Variants in LRP1B observed in about 807,000 individuals in gnomAD.
The protein encoded by LRP1B is LDL receptor related protein 1B, also known as low-density lipoprotein receptor-related protein 1B.
Under a neutral mutation model 556.6 loss-of-function variants are expected in LRP1B, and 217 were observed. The observed-to-expected ratio is 0.39, with a 90% CI of 0.35 to 0.44. The LOEUF is 0.44. Among genes scored for constraint, LRP1B ranks in the 20% least tolerant of loss-of-function variants. LRP1B has a pLI of 1.00. For missense variants in LRP1B, 5,053 were observed against 5,620.8 expected, an observed-to-expected ratio of 0.90 and a Z score of 3.23; for synonymous variants, 2,047 against 1,865.8, an observed-to-expected ratio of 1.10 and a Z score of -2.50.
chr2:141,846,404 C>T (rs1697645698), intron 1 of LRP1B, among the ~76,000 whole-genome samples: 1 of 151,452 alleles, frequency 6.6e-6, no homozygotes, highest in Admixed American at 6.6e-5. Flanking sequence ...ATCCCAGATA[C>T]TTCACAAAAT....
rs201761576 is a variant in LRP1B, at chr2:141,319,299, G to GTTTTTTTTTTTTTTTTTTTT, written c.344-64659_344-64658insAAAAAAAAAAAAAAAAAAAA. 2.5e-4 allele frequency among the ~76,000 whole-genome samples: 20 copies of GTTTTTTTTTTTTTTTTTTTT among 80,464 alleles called. 7 individuals are homozygous for GTTTTTTTTTTTTTTTTTTTT. The highest frequency in any genetic ancestry group is 1.0e-3 in the African/African-American group (20 of 19,632). 52.8% of individuals were successfully genotyped at this position (80,464 alleles called of 152,430 possible). On this transcript the variant is annotated intron_variant, in intron 3 of 90. Coordinates refer to ENST00000389484, the MANE Select transcript of LRP1B (RefSeq NM_018557.3). ...CATAATGTAGTCTCTAAAAAGCAGT[G>GTTTTTTTTTTTTTTTTTTTT]TTTTTTTGTTGTTTTTTTTTTTTTT... is the stretch of plus-strand genomic sequence containing the variant.
chr2:140,459,118 G>T (rs1687215957), intron 60 of LRP1B, among the ~76,000 whole-genome samples: 1 of 152,044 alleles, frequency 6.6e-6, no homozygotes, highest in Non-Finnish European at 1.5e-5. Context: ...TACTCTTGCA[G>T]ACATAGATAC....
chr2:140,291,823 C>G (rs2104988346), intron 84 of LRP1B, among the ~76,000 whole-genome samples: 1 of 152,004 alleles, frequency 6.6e-6, no homozygotes, highest in South Asian at 2.1e-4. Context: ...GGGTATATAC[C>G]CAGTAATGGG....
chr2:141,492,140 T>C (rs976527990), intron 2 of LRP1B, among the ~76,000 whole-genome samples: 1 of 110,474 alleles, frequency 9.1e-6, no homozygotes, highest in African/African-American at 3.6e-5. Context: ...AAACCCAAAC[T>C]AGTAAACACA....
chr2:142,090,079 C>A (rs1706105311), intron 1 of LRP1B, among the ~76,000 whole-genome samples: 1 of 152,160 alleles, frequency 6.6e-6, no homozygotes, highest in Non-Finnish European at 1.5e-5. Flanking sequence ...TTAACAATTT[C>A]TCTTTTCATA....
chr2:140,874,043 A>C (rs1177838423), intron 25 of LRP1B, among the ~76,000 whole-genome samples: 1 of 152,132 alleles, frequency 6.6e-6, no homozygotes, highest in Non-Finnish European at 1.5e-5. Flanking sequence ...TTTAAGAAAC[A>C]CAGATGTTCA....
At position 140,324,022 on chromosome 2, in the gene LRP1B, A is replaced by G. The variant is rs1680315866; in HGVS notation, c.12385T>C (p.Tyr4129His). 6.2e-7 allele frequency: 1 copy of G among 1,610,518 alleles called. No homozygotes were observed. Among genetic ancestry groups the G allele is most frequent in the South Asian group, 1.1e-5 (1 of 90,936 alleles). The change falls in exon 81 of 91, where the codon TAT (tyrosine) becomes CAT (histidine). Residue 4129 changes from tyrosine (Y) to histidine (H), a missense_variant. Transcript: ENST00000389484. ...HRIDIFEDYI[Y>H]GAGPKNGVFR... ...ACACCATTTTTAGGTCCTGCTCCATATATATAATCTTCAAAGATATCGATC... is the reference window on the plus strand; with the variant it reads ...ACACCATTTTTAGGTCCTGCTCCATGTATATAATCTTCAAAGATATCGATC...
intron 2 of LRP1B, among the ~76,000 whole-genome samples, chr2:141,793,620 T>C (rs1394973045): frequency 2.6e-5 from 4 of 151,948 alleles, no homozygotes; most frequent in African/African-American, 4.8e-5. Context: ...TTAGAGCGAA[T>C]AGCATATGAA....
intron 43 of LRP1B, among the ~76,000 whole-genome samples, chr2:140,563,486 T>C (rs1681013051): frequency 6.6e-6 from 1 of 152,196 alleles, no homozygotes; most frequent in South Asian, 2.1e-4. Context: ...GTCTGACAGT[T>C]CACAATTGTA....
At chr2:140,900,426 C>A (rs1449380671) in intron 23 of LRP1B, among the ~76,000 whole-genome samples, 1 of 152,126 alleles carries the variant, frequency 6.6e-6, no homozygotes, top group Non-Finnish European at 1.5e-5. Flanking sequence ...TGTTTTTCAG[C>A]CTCTCAAGCC....
At chr2:141,683,704 T>A (rs1038014176) in intron 2 of LRP1B, among the ~76,000 whole-genome samples, 1 of 152,120 alleles carries the variant, frequency 6.6e-6, no homozygotes, top group African/African-American at 2.4e-5. Context: ...TACTTTATGA[T>A]CTGTTAAATT....
At chr2:141,248,381 A>G (rs1422139138) in intron 4 of LRP1B, among the ~76,000 whole-genome samples, 1 of 152,156 alleles carries the variant, frequency 6.6e-6, no homozygotes, top group Non-Finnish European at 1.5e-5. Flanking sequence ...TCCTTATAAT[A>G]GGGGTATACT....
intron 2 of LRP1B, among the ~76,000 whole-genome samples, chr2:141,802,050 T>C (rs1696024208): frequency 6.6e-6 from 1 of 152,132 alleles, no homozygotes; most frequent in African/African-American, 2.4e-5. Context: ...CTCTGAGGCC[T>C]CTTTTGTTTG....
chr2:141,684,624 A>C (rs974469824), intron 2 of LRP1B, among the ~76,000 whole-genome samples: 23 of 152,074 alleles, frequency 1.5e-4, no homozygotes, highest in African/African-American at 4.8e-4. Context: ...AAAATTGAAC[A>C]GCGAGAACTC....
chr2:141,055,076 AG>A lies in LRP1B; in HGVS notation c.1552+39del, dbSNP rs777161454. 1.7e-5 allele frequency: 28 copies of A among 1,606,464 alleles called. No individual in the cohort carries two copies. The South Asian group carries it at 2.9e-4, about 17-fold the overall frequency. ...ATTAATACTTAAAATCCTATTCTAA[AG>A]GGGTAGCTGCTGGCAAATGTTTTAT... On this transcript the variant is annotated intron_variant, in intron 10 of 90. Coordinates refer to ENST00000389484, the MANE Select transcript of LRP1B (RefSeq NM_018557.3).
At chr2:140,755,055 G>GC (rs35192963) in intron 35 of LRP1B, among the ~76,000 whole-genome samples, 49,772 of 151,578 alleles carry the variant, frequency 0.33, 8,294 homozygotes, top group South Asian at 0.4. Flanking sequence ...ATAACTATAT[G>GC]CAAAAATTAC....
intron 3 of LRP1B, among the ~76,000 whole-genome samples, chr2:141,290,689 AAAC>A (rs1208567734): frequency 6.6e-6 from 1 of 152,080 alleles, no homozygotes; most frequent in Non-Finnish European, 1.5e-5. Context: ...AGTAGGAAAC[AAAC>A]AAACAAACAA....
At chr2:140,480,858 A>T (rs569526519) in intron 59 of LRP1B, among the ~76,000 whole-genome samples, 1 of 152,214 alleles carries the variant, frequency 6.6e-6, no homozygotes, top group South Asian at 2.1e-4. Context: ...AACTTTTATC[A>T]TCTGTACTAA....
chr2:141,326,488 T>C (rs1687434168), intron 3 of LRP1B, among the ~76,000 whole-genome samples: 2 of 152,114 alleles, frequency 1.3e-5, no homozygotes, highest in Non-Finnish European at 2.9e-5. Flanking sequence ...ATTTATTATA[T>C]AGAGAGGAAA....
Sources: allele counts gnomAD v4.1 joint callset (sites outside exome capture counted in the v4.1 genomes callset), GRCh38; gene constraint gnomAD v4.1.1; transcripts MANE v1.5; gene names NCBI Gene and HGNC (gene_info 2026-07-23, HGNC 2026-07-21).